CAST: variants seen among roughly 807,000 people sequenced by gnomAD.
The protein encoded by CAST is calpastatin.
Under a neutral mutation model 119.6 loss-of-function variants are expected in CAST, and 76 were observed. The observed-to-expected ratio is 0.64, with a 90% CI of 0.53 to 0.77. CAST has a LOEUF of 0.77. Among genes scored for constraint, CAST ranks in the 30% least tolerant of loss-of-function variants. The pLI is 0.00. For missense variants in CAST, 953 were observed against 946.5 expected, an observed-to-expected ratio of 1.01 and a Z score of -0.09; for synonymous variants, 319 against 331.6, an observed-to-expected ratio of 0.96 and a Z score of 0.41.
the CAST span, among the ~76,000 whole-genome samples, chr5:96,177,333 T>G: frequency 6.6e-6 from 1 of 152,306 alleles, no homozygotes; most frequent in South Asian, 2.1e-4. Context: ...GATTATATGT[T>G]GAAACCACAC....
At chr5:96,668,146 G>A (rs1281780760) in intron 1 of CAST, among the ~76,000 whole-genome samples, 1 of 108,970 alleles carries the variant, frequency 9.2e-6, no homozygotes, top group East Asian at 3.1e-4. Context: ...GCACAGACAC[G>A]CGTGCACACA....
the CAST span, among the ~76,000 whole-genome samples, chr5:96,480,383 A>G: frequency 1.3e-5 from 2 of 152,186 alleles, no homozygotes; most frequent in Non-Finnish European, 2.9e-5. Context: ...GTGTGTTTGG[A>G]TGACTGGCTT....
At chr5:96,603,204 T>A (rs73152056) in intron 1 of CAST, among the ~76,000 whole-genome samples, 1 of 152,168 alleles carries the variant, frequency 6.6e-6, no homozygotes, top group Non-Finnish European at 1.5e-5. Context: ...TAGGGCGTTG[T>A]AATGGGAATA....
the CAST span, among the ~76,000 whole-genome samples, chr5:96,077,633 T>C: frequency 6.6e-6 from 1 of 152,246 alleles, no homozygotes; most frequent in Admixed American, 6.5e-5. Flanking sequence ...CCTCTATTAG[T>C]TCCTGAAATA....
intron 24 of CAST, 43 bp from the exon 25 acceptor site, chr5:96,762,231 T>G (rs1354286224): frequency 1.5e-6 from 2 of 1,335,360 alleles, no homozygotes; most frequent in East Asian, 4.8e-5. Context: ...TGCTCATAAT[T>G]TTATATACAA....
the CAST span, among the ~76,000 whole-genome samples, chr5:95,991,728 A>T: frequency 1.3e-5 from 2 of 151,812 alleles, no homozygotes; most frequent in Admixed American, 1.3e-4. Context: ...CTGGTCTCGA[A>T]CTTCTGAGCT....
the CAST span, among the ~76,000 whole-genome samples, chr5:96,320,311 C>T: frequency 7.7e-3 from 1,085 of 141,434 alleles, 13 homozygotes; most frequent in African/African-American, 0.027. Flanking sequence ...GATCTCAGCT[C>T]ACTGCAACCT....
intron 16 of CAST, among the ~76,000 whole-genome samples, 192 bp from the exon 17 acceptor site, chr5:96,746,150 C>T (rs1270990858): frequency 2.6e-5 from 4 of 152,196 alleles, no homozygotes; most frequent in African/African-American, 9.7e-5. Flanking sequence ...GCTACTTTTG[C>T]TCAGTCACCC....
At chr5:96,688,970 T>G (rs1752399780) in intron 2 of CAST, among the ~76,000 whole-genome samples, 2 of 151,842 alleles carry the variant, frequency 1.3e-5, no homozygotes, top group Non-Finnish European at 1.5e-5. Context: ...TGCTGCTGTG[T>G]GTGTGTATAT....
At chr5:96,264,900 T>C in the CAST span, among the ~76,000 whole-genome samples, 1 of 152,262 alleles carries the variant, frequency 6.6e-6, no homozygotes, top group Admixed American at 6.5e-5. Context: ...GAGTATTTGA[T>C]TCTGTGAATG....
intron 1 of CAST, among the ~76,000 whole-genome samples, chr5:96,589,659 T>G (rs980073076): frequency 6.6e-6 from 1 of 152,216 alleles, no homozygotes; most frequent in Non-Finnish European, 1.5e-5. Context: ...AGAAAGGATA[T>G]TTTGTTAAAG....
At chr5:96,476,790 C>G in the CAST span, among the ~76,000 whole-genome samples, 1 of 152,026 alleles carries the variant, frequency 6.6e-6, no homozygotes, top group Admixed American at 6.6e-5. Flanking sequence ...CTCTCATCCT[C>G]CCAAACACAC....
the CAST span, among the ~76,000 whole-genome samples, chr5:96,231,014 A>G: frequency 6.6e-6 from 1 of 152,068 alleles, no homozygotes; most frequent in Non-Finnish European, 1.5e-5. Context: ...AAAAATTGGA[A>G]CCTCATACTT....
the CAST span, among the ~76,000 whole-genome samples, chr5:96,107,402 C>G: frequency 1.1e-4 from 16 of 152,084 alleles, no homozygotes; most frequent in African/African-American, 3.4e-4. Flanking sequence ...TTCAGGAGCT[C>G]TTTTAGGGCG....
intron 3 of CAST, among the ~76,000 whole-genome samples, chr5:96,701,602 C>T (rs907620638): frequency 2.6e-5 from 4 of 151,964 alleles, no homozygotes; most frequent in Non-Finnish European, 5.9e-5. Context: ...GTCAGGAGTT[C>T]GAGACCAGCC....
chr5:96,366,231 T>C, the CAST span, among the ~76,000 whole-genome samples: 5 of 152,188 alleles, frequency 3.3e-5, no homozygotes, highest in African/African-American at 4.8e-5. Flanking sequence ...TTGTGGGTAA[T>C]CTGACCTTTC....
the CAST span, among the ~76,000 whole-genome samples, chr5:95,981,508 G>A: frequency 6.6e-6 from 1 of 152,216 alleles, no homozygotes; most frequent in Non-Finnish European, 1.5e-5. Flanking sequence ...TAGGTCTGAG[G>A]TGGGACCTGA....
At chr5:96,147,628 C>G in the CAST span, among the ~76,000 whole-genome samples, 1 of 151,990 alleles carries the variant, frequency 6.6e-6, no homozygotes, top group African/African-American at 2.4e-5. Context: ...CAAAACAAAA[C>G]AAAACAAAAA....
chr5:96,185,064 A>G, the CAST span, among the ~76,000 whole-genome samples: 5 of 152,150 alleles, frequency 3.3e-5, 1 homozygote, highest in South Asian at 1.0e-3. Context: ...ATGAGATAGT[A>G]TCTCATTGTG....
Sources: gnomAD v4.1 joint callset for allele counts (sites outside exome capture counted in the v4.1 genomes callset) on GRCh38, gnomAD v4.1.1 for gene constraint, MANE v1.5 for transcripts, NCBI Gene and HGNC (gene_info 2026-07-23, HGNC 2026-07-21) for gene names.